Variants in CDH4 observed in about 807,000 individuals in gnomAD.
The protein encoded by CDH4 is cadherin-4.
A neutral mutation model predicts 86.0 loss-of-function variants in CDH4; 33 were observed. The ratio of observed to expected loss-of-function variants is 0.38; its 90% CI spans 0.29 to 0.51. The LOEUF is 0.51. CDH4 is among the 20% of genes least tolerant of loss of function. The probability of loss-of-function intolerance (pLI) is 0.86; values close to 1 mark genes in which losing one functional copy is unlikely to be tolerated. For synonymous variants in CDH4, 555 were observed against 549.4 expected (o/e 1.01, Z -0.14); for missense variants, 1,114 against 1,307.4 (o/e 0.85, Z 2.28).
intron 2 of CDH4, among the ~76,000 whole-genome samples, chr20:61,302,878 G>A (rs2084393610): frequency 1.3e-5 from 2 of 152,284 alleles, no homozygotes; most frequent in African/African-American, 2.4e-5. Flanking sequence ...AAGGGAGGCC[G>A]GAGGGTCAAG....
At chr20:61,365,552 G>A (rs560685864) in intron 2 of CDH4, among the ~76,000 whole-genome samples, 171 of 152,236 alleles carry the variant, frequency 1.1e-3, no homozygotes, top group Admixed American at 2.4e-3. Flanking sequence ...ATGAGGGTGT[G>A]GAGCTGACTC....
intron 2 of CDH4, among the ~76,000 whole-genome samples, chr20:61,523,315 T>TGGTCTCTGCTCGCC (rs2085886530): frequency 6.6e-6 from 1 of 152,262 alleles, no homozygotes; most frequent in Non-Finnish European, 1.5e-5. Context: ...GGGCCCACGC[T>TGGTCTCTGCTCGCC]GGTCTCTGCT....
chr20:61,627,651 T>A (rs2086841362), intron 2 of CDH4, among the ~76,000 whole-genome samples: 1 of 152,134 alleles, frequency 6.6e-6, no homozygotes, highest in South Asian at 2.1e-4. Flanking sequence ...GTCCTTTGTG[T>A]GCCTGGTAGA....
intron 2 of CDH4, among the ~76,000 whole-genome samples, chr20:61,565,705 A>G (rs1422109417): frequency 6.6e-6 from 1 of 152,160 alleles, no homozygotes; most frequent in Admixed American, 6.5e-5. Context: ...AGAACAGAGT[A>G]AGGCAGTGCC....
intron 2 of CDH4, among the ~76,000 whole-genome samples, chr20:61,338,091 G>A (rs1355179864): frequency 2.6e-5 from 4 of 152,174 alleles, no homozygotes; most frequent in African/African-American, 9.6e-5. Context: ...AGAGATCAGA[G>A]TCATTGAAAT....
chr20:61,803,024 G>C (rs1274848804), intron 4 of CDH4, among the ~76,000 whole-genome samples: 1 of 152,212 alleles, frequency 6.6e-6, no homozygotes. Context: ...GCCGGGGCCT[G>C]ATTTACCAAC....
In CDH4 at chr20:61,833,777, T is replaced by C. The variant is rs371941448; in HGVS notation, c.577-10891T>C. On this transcript the variant is annotated intron_variant, in intron 4 of 15. Transcript: ENST00000614565. ...AGCATCGAATTACAGACACTGCAGATCCTCAGTTACCATCTTTCATATACT... is the reference window on the plus strand; with the variant it reads ...AGCATCGAATTACAGACACTGCAGACCCTCAGTTACCATCTTTCATATACT... Among the ~76,000 whole-genome samples, 17 of 152,044 alleles carry C rather than the reference T, an allele frequency of 1.1e-4. No homozygotes were observed. In the South Asian group the frequency reaches 3.3e-3, roughly 30 times the overall value.
chr20:61,818,940 G>A (rs1321102655), intron 4 of CDH4, among the ~76,000 whole-genome samples: 1 of 152,208 alleles, frequency 6.6e-6, no homozygotes, highest in Non-Finnish European at 1.5e-5. Context: ...TGCTTATCCT[G>A]CGTCCCAGCC....
chr20:61,527,188 G>A (rs79216627), intron 2 of CDH4, among the ~76,000 whole-genome samples: 7,143 of 152,120 alleles, frequency 0.047, 247 homozygotes, highest in Middle Eastern at 0.092. Flanking sequence ...GCGCCCAGGC[G>A]CCCCTGGCAC....
intron 3 of CDH4, among the ~76,000 whole-genome samples, chr20:61,749,998 T>C (rs1224119307): frequency 1.3e-5 from 2 of 151,570 alleles, no homozygotes; most frequent in Non-Finnish European, 2.9e-5. Context: ...GGGACAGAGG[T>C]TGCAGTGAGC....
chr20:61,887,898 G>T (rs1984619221), intron 7 of CDH4, among the ~76,000 whole-genome samples: 1 of 152,226 alleles, frequency 6.6e-6, no homozygotes, highest in South Asian at 2.1e-4. Context: ...CTGCAGGATG[G>T]GTGGCCGAGG....
rs1264614879 is a variant in CDH4, at chr20:61,879,184, A to T, written c.1050+5284A>T. ...TCAGCTCCCCCGGGACCCGGCCTTCACCCAGCAGAGCCACTGCCCCCCTGG... is the reference window on the plus strand; with the variant it reads ...TCAGCTCCCCCGGGACCCGGCCTTCTCCCAGCAGAGCCACTGCCCCCCTGG... On this transcript the variant is annotated intron_variant, in intron 7 of 15. Coordinates refer to ENST00000614565, the MANE Select transcript of CDH4 (RefSeq NM_001794.5). This position sits in a 1 kb window ranked among gnomAD's most constrained non-coding sequence, Gnocchi z 4.1. 1.3e-5 allele frequency among the ~76,000 whole-genome samples: 2 copies of T among 152,092 alleles called. No homozygotes were observed. Among genetic ancestry groups the T allele is most frequent in the African/African-American group, 4.8e-5 (2 of 41,418 alleles).
intron 2 of CDH4, among the ~76,000 whole-genome samples, chr20:61,726,439 T>C (rs1600918024): frequency 6.6e-6 from 1 of 152,142 alleles, no homozygotes; most frequent in Non-Finnish European, 1.5e-5. Flanking sequence ...TTTCTCAGTG[T>C]GTCCATATGT....
At chr20:61,745,259 AC>A (rs1440726768) in intron 3 of CDH4, among the ~76,000 whole-genome samples, 1 of 152,054 alleles carries the variant, frequency 6.6e-6, no homozygotes, top group African/African-American at 2.4e-5. Flanking sequence ...TCTGAGTGAG[AC>A]CAGTCTGCAA....
chr20:61,400,581 T>A (rs2085043998), intron 2 of CDH4, among the ~76,000 whole-genome samples: 1 of 152,208 alleles, frequency 6.6e-6, no homozygotes, highest in Non-Finnish European at 1.5e-5. Context: ...CTGCTCCATA[T>A]GGTCACGCAT....
intron 2 of CDH4, among the ~76,000 whole-genome samples, chr20:61,554,550 C>T (rs2086159629): frequency 6.6e-6 from 1 of 152,224 alleles, no homozygotes. Context: ...CTGGAAAGGG[C>T]CCCAGCCATG....
chr20:61,882,110 G>A (rs891982200), intron 7 of CDH4, among the ~76,000 whole-genome samples: 2 of 152,206 alleles, frequency 1.3e-5, no homozygotes, highest in African/African-American at 2.4e-5. Flanking sequence ...CTGGCCTTCC[G>A]GACTGCTGTC....
chr20:61,541,948 G>A (rs2086042672), intron 2 of CDH4, among the ~76,000 whole-genome samples: 1 of 152,166 alleles, frequency 6.6e-6, no homozygotes, highest in Admixed American at 6.5e-5. Context: ...ATATGGCTGT[G>A]TGGCCTGGTT....
chr20:61,252,437 T>TGGTCTCGGCGGCGGCGGC lies in CDH4; in HGVS notation c.-74_-57dup, dbSNP rs2084065632. 4.9e-6 allele frequency: 3 copies of TGGTCTCGGCGGCGGCGGC among 610,950 alleles called. No individual in the cohort carries two copies. Among genetic ancestry groups the TGGTCTCGGCGGCGGCGGC allele is most frequent in the Non-Finnish European group, 6.0e-6 (3 of 501,496 alleles). 37.8% of individuals were successfully genotyped at this position (610,950 alleles called of 1,614,324 possible). A position where few individuals can be genotyped will look rare whatever the true frequency, so the allele number is the denominator to read the frequency against. On this transcript the variant is annotated 5_prime_UTR_variant, in exon 1 of 16. Transcript: ENST00000614565. The surrounding 1 kb of genome is among the most constrained non-coding windows in gnomAD (Gnocchi z 4.4). ...GCGGCGGCGATCGGAGCGGCGGCGG[T>TGGTCTCGGCGGCGGCGGC]GGTCTCGGCGGCGGCGGCGGCGGCG... is the stretch of plus-strand genomic sequence containing the variant.
Sources: gnomAD v4.1 joint callset for allele counts (sites outside exome capture counted in the v4.1 genomes callset) on GRCh38, gnomAD v4.1.1 for gene constraint, Gnocchi (gnomAD v3.1) non-coding constraint, MANE v1.5 for transcripts, NCBI Gene and HGNC (gene_info 2026-07-23, HGNC 2026-07-21) for gene names.